ASB10: variants seen among roughly 807,000 people sequenced by gnomAD.
ASB10 encodes the protein ankyrin repeat and SOCS box containing 10.
In ASB10, 44 loss-of-function variants were observed where a neutral mutation model predicts 35.4. The ratio of observed to expected loss-of-function variants is 1.24; its 90% CI spans 0.98 to 1.60. The LOEUF (loss-of-function observed/expected upper bound fraction) is 1.60, where lower values mean the gene tolerates loss of function less well. Ranked by LOEUF, ASB10 falls within the 40% of genes most tolerant of loss-of-function variation. ASB10 has a pLI of 0.00. For synonymous variants in ASB10, 294 were observed against 280.4 expected, an observed-to-expected ratio of 1.05 and a Z score of -0.49; for missense variants, 647 against 634.3, an observed-to-expected ratio of 1.02 and a Z score of -0.22.
Position 151,186,983 on chromosome 7 carries a change from T to TGC in ASB10, c.146_147dup (p.Thr50AlafsTer57). On this transcript the variant is annotated frameshift_variant, in exon 1 of 6. Coordinates refer to ENST00000420175, the MANE Select transcript of ASB10 (RefSeq NM_001142459.2). LOFTEE classifies it high-confidence loss of function. ...AAGGCAAGGGCAGGTCCTGAGGCTG[T>TGC]GCGGGTGACGATGGGTCCCGGGCCA... The TGC allele has an allele frequency of 6.2e-7, 1 of 1,613,030 alleles. No individual in the cohort carries two copies. The highest frequency in any genetic ancestry group is 1.7e-5 in the Admixed American group (1 of 59,952).
At chr7:151,177,714 G>A (rs1251751216) in intron 3 of ASB10, among the ~76,000 whole-genome samples, 1 of 152,222 alleles carries the variant, frequency 6.6e-6, no homozygotes, top group Non-Finnish European at 1.5e-5. Flanking sequence ...ACCTGAGGCT[G>A]ATGGACTGCC....
At chr7:151,176,355 C>A in intron 4 of ASB10, 58 bp from the exon 5 acceptor site, 1 of 1,508,414 alleles carries the variant, frequency 6.6e-7, no homozygotes, top group Non-Finnish European at 8.9e-7. Context: ...GCACCGGCTC[C>A]TCCTCACAGG....
Position 151,186,908 on chromosome 7 carries a change from C to A in ASB10, c.223G>T (p.Ala75Ser), listed in dbSNP as rs753274584. 1.2e-6 allele frequency: 2 copies of A among 1,613,876 alleles called. No individual in the cohort carries two copies. Among genetic ancestry groups the A allele is most frequent in the East Asian group, 4.5e-5 (2 of 44,886 alleles). The change falls in exon 1 of 6, where the codon GCG (alanine) becomes TCG (serine). Residue 75 changes from alanine (A) to serine (S), a missense_variant. Ala to Ser is a moderately conservative substitution (Grantham distance 99, BLOSUM62 1). Transcript: ENST00000420175. Reference protein sequence around the residue: ...GDVGCVSRILADSSTGLAPDS... With the variant: ...GDVGCVSRILSDSSTGLAPDS... ...GGAGCCAGGCCAGTACTGGAGTCCGCGAGGATGCGGGAGACACAGCCCACG... is the reference window on the plus strand; with the variant it reads ...GGAGCCAGGCCAGTACTGGAGTCCGAGAGGATGCGGGAGACACAGCCCACG...
chr7:151,176,410 G>A, intron 4 of ASB10, 113 bp from the exon 5 acceptor site: 1 of 1,462,416 alleles, frequency 6.8e-7, no homozygotes, highest in Non-Finnish European at 9.1e-7. Flanking sequence ...GAACCTATTA[G>A]AAACAATGAA....
At chr7:151,179,359 G>A (rs543575636) in intron 3 of ASB10, among the ~76,000 whole-genome samples, 8 of 152,344 alleles carry the variant, frequency 5.3e-5, no homozygotes, top group African/African-American at 1.7e-4. Flanking sequence ...GAGGACTGAG[G>A]AACTCCTGTA....
At chr7:151,176,725 C>T in intron 3 of ASB10, 49 bp from the exon 4 acceptor site, 2 of 1,260,106 alleles carry the variant, frequency 1.6e-6, no homozygotes, top group Non-Finnish European at 2.3e-6. Context: ...CACACAGTGA[C>T]CAGACAGCTC....
chr7:151,176,304 G>T lies in ASB10; in HGVS notation c.1219-7C>A. 5 of 1,539,302 alleles carry T rather than the reference G, an allele frequency of 3.2e-6. No homozygotes were observed. The highest frequency in any genetic ancestry group is 4.4e-6 in the Non-Finnish European group (5 of 1,143,068). ...AGTAGAAACGCTGATGTTTCTGGGG[G>T]CAGAACAAGGGGCTCAGTGAGAGGC... On this transcript the variant is annotated splice_region_variant and splice_polypyrimidine_tract_variant and intron_variant, in intron 4 of 5. Transcript: ENST00000420175.
At position 151,175,805 on chromosome 7, in the gene ASB10, C is replaced by T. The variant is rs955865993; in HGVS notation, c.*162G>A. 2.5e-6 allele frequency: 1 copy of T among 397,014 alleles called. No homozygotes were observed. The highest frequency in any genetic ancestry group is 4.5e-6 in the Non-Finnish European group (1 of 220,986). The allele number at this position is 397,014 out of a possible 1,614,324, so 24.6% of individuals were successfully genotyped here. A position where few individuals can be genotyped will look rare whatever the true frequency, so the allele number is the denominator to read the frequency against. The stretch of plus-strand genomic sequence containing the variant: ...TCTTCATCAGACATCACCCGGCTGC[C>T]GCTGTCGGTCCGCTTCTCTGCATTG... On this transcript the variant is annotated 3_prime_UTR_variant, in exon 6 of 6. Transcript: ENST00000420175.
At chr7:151,187,261 C>G (rs1018714223), upstream of ASB10, 3 of 1,515,056 alleles carry the variant, frequency 2.0e-6, no homozygotes, top group Non-Finnish European at 2.7e-6. This position sits in a 1 kb window ranked among gnomAD's most constrained non-coding sequence, Gnocchi z 5.3. Flanking sequence ...GACCTGGCCA[C>G]GCATCCAGCA....
Position 151,187,177 on chromosome 7 carries a change from G to T in ASB10, c.-47C>A. 6.5e-7 allele frequency: 1 copy of T among 1,533,990 alleles called. No individual in the cohort carries two copies. On this transcript the variant is annotated 5_prime_UTR_variant, in exon 1 of 6. Transcript: ENST00000420175. This position sits in a 1 kb window ranked among gnomAD's most constrained non-coding sequence, Gnocchi z 5.3. ...GGGAGGAGGAGAGGTATATGCCAAA[G>T]GCAGAGAGAGAGAGAGAGAGCAGGA...
At chr7:151,178,908 T>C (rs528193054) in intron 3 of ASB10, among the ~76,000 whole-genome samples, 5 of 152,300 alleles carry the variant, frequency 3.3e-5, no homozygotes, top group Admixed American at 6.5e-5. Context: ...CTGTCCTTCC[T>C]GGCCCATGTT....
chr7:151,182,075 G>A (rs946009732), intron 2 of ASB10, among the ~76,000 whole-genome samples: 1 of 152,208 alleles, frequency 6.6e-6, no homozygotes, highest in Non-Finnish European at 1.5e-5. Context: ...ACATTCCCTT[G>A]GTAGGCTCTC....
intron 5 of ASB10, 69 bp downstream of exon 5, chr7:151,176,043 C>G: frequency 6.4e-7 from 1 of 1,552,738 alleles, no homozygotes; most frequent in South Asian, 1.2e-5. Context: ...CCTCCCCAAC[C>G]CTTCTCTTGC....
At chr7:151,179,774 G>A (rs1489731636) in intron 3 of ASB10, among the ~76,000 whole-genome samples, 2 of 152,280 alleles carry the variant, frequency 1.3e-5, no homozygotes, top group Middle Eastern at 3.4e-3. Flanking sequence ...AAACCCTTTC[G>A]CTGCGCCGGG....
Position 151,176,624 on chromosome 7 carries a change from GT to G in ASB10, c.1156del (p.Thr386ProfsTer15). 1 of 1,551,460 alleles carries G rather than the reference GT, an allele frequency of 6.4e-7. No individual in the cohort carries two copies. The highest frequency in any genetic ancestry group is 8.7e-7 in the Non-Finnish European group (1 of 1,146,962). On this transcript the variant is annotated frameshift_variant, in exon 4 of 6. Coordinates refer to ENST00000420175, the MANE Select transcript of ASB10 (RefSeq NM_001142459.2). LOFTEE classifies it high-confidence loss of function. The part of the protein sequence containing the change: ...CPRTIEVLMN[T>X]YSVVQLPEEA... Reference sequence around the variant, plus strand: ...CTCGGGAAGCTGCACAACACTGTAGGTGTTCATCAGGACCTCGATGGTCCGA... The same window carrying G: ...CTCGGGAAGCTGCACAACACTGTAGGGTTCATCAGGACCTCGATGGTCCGA...
intron 2 of ASB10, among the ~76,000 whole-genome samples, chr7:151,183,812 C>G (rs1801537243): frequency 1.3e-5 from 2 of 152,128 alleles, no homozygotes; most frequent in African/African-American, 4.8e-5. Flanking sequence ...TCTCCAACTC[C>G]TGACCTCAGG....
chr7:151,180,153 G>GT (rs1451057424), intron 3 of ASB10, among the ~76,000 whole-genome samples: 2 of 152,190 alleles, frequency 1.3e-5, no homozygotes, highest in Non-Finnish European at 2.9e-5. Flanking sequence ...GAGAACGGAT[G>GT]TCCCCATCCC....
intron 2 of ASB10, among the ~76,000 whole-genome samples, chr7:151,183,283 T>C (rs1018035603): frequency 1.3e-5 from 2 of 152,198 alleles, no homozygotes; most frequent in African/African-American, 2.4e-5. Context: ...GGGCCTGTAG[T>C]AGTCCCATCT....
rs1055630259 is a variant in ASB10 at position 151,176,791 on chromosome 7, T to TC, written c.1105-116dup. The TC allele has an allele frequency of 1.2e-4, 83 of 716,280 alleles. No homozygotes were observed. In the African/African-American group the frequency reaches 1.3e-3, roughly 11 times the overall value. 44.4% of individuals were successfully genotyped at this position (716,280 alleles called of 1,614,324 possible). On this transcript the variant is annotated intron_variant, in intron 3 of 5. Transcript: ENST00000420175. ...CCCCAAAAGATATATTGAAGACCTA[T>TC]CCCCCTGTACCTATGAATGGGACCT...
Sources: gnomAD v4.1 joint callset for allele counts (sites outside exome capture counted in the v4.1 genomes callset) on GRCh38, gnomAD v4.1.1 for gene constraint, Gnocchi (gnomAD v3.1) non-coding constraint, MANE v1.5 for transcripts, NCBI Gene and HGNC (gene_info 2026-07-23, HGNC 2026-07-21) for gene names.